Variants in OR2A14 observed in about 807,000 individuals in gnomAD.
The protein encoded by OR2A14 is olfactory receptor 2A14.
A neutral mutation model predicts 2.4 loss-of-function variants in OR2A14; 2 were observed. The ratio of observed to expected loss-of-function variants is 0.85; its 90% confidence interval spans 0.35 to 2.67. The LOEUF is 2.67. OR2A14 is among the 30% of genes most tolerant of loss of function. The probability of loss-of-function intolerance (pLI) is 0.10; values close to 1 mark genes in which losing one functional copy is unlikely to be tolerated. For missense variants in OR2A14, 390 were observed against 379.4 expected, an observed-to-expected ratio of 1.03 and a Z score of -0.23; for synonymous variants, 160 against 156.3, an observed-to-expected ratio of 1.02 and a Z score of -0.18.
rs1294990022 is a variant in OR2A14, at chr7:144,130,953, G to A, written c.*908G>A. The A allele has an allele frequency of 6.6e-6, 1 of 152,220 alleles. No homozygotes were observed. The highest frequency in any genetic ancestry group is 1.9e-4 in the East Asian group (1 of 5,204). The allele number at this position is 152,220 out of a possible 1,614,324, so 9.4% of individuals were successfully genotyped here. ...GGTGGCTGCTGGAATGGTGCCCAGG[G>A]ACAGTAGTTTGTGAACCCTTGTTCT... On this transcript the variant is annotated 3_prime_UTR_variant, in exon 2 of 2. Transcript: ENST00000641068.
intron 1 of OR2A14, among the ~76,000 whole-genome samples, chr7:144,123,897 A>G (rs2128806694): frequency 6.6e-6 from 1 of 152,150 alleles, no homozygotes; most frequent in Non-Finnish European, 1.5e-5. Flanking sequence ...AGCACAGAAC[A>G]TGTCTCCTTA....
chr7:144,130,072 G>A lies in OR2A14; in HGVS notation c.*27G>A. 1 of 1,578,480 alleles carries A rather than the reference G, an allele frequency of 6.3e-7. No homozygotes were observed. The highest frequency in any genetic ancestry group is 8.6e-7 in the Non-Finnish European group (1 of 1,158,812). ...ACATCTCAAAGGGAACCATGGGGAG[G>A]GAGCCTTGCTCCCTGCAAAATATAG... On this transcript the variant is annotated 3_prime_UTR_variant, in exon 2 of 2. Transcript: ENST00000641068.
chr7:144,130,140 C>T lies in OR2A14; in HGVS notation c.*95C>T. 2.1e-6 allele frequency: 2 copies of T among 953,014 alleles called. No homozygotes were observed. The highest frequency in any genetic ancestry group is 3.2e-6 in the Non-Finnish European group (2 of 628,490). The allele number at this position is 953,014 out of a possible 1,614,324, so 59.0% of individuals were successfully genotyped here. ...TTGTCTTCTGCTAGAATAAATGCTA[C>T]CTTAAACTGGAATACTATAGACCTA... On this transcript the variant is annotated 3_prime_UTR_variant, in exon 2 of 2. Transcript: ENST00000641068.
At position 144,127,100 on chromosome 7, in the gene OR2A14, T is replaced by A. The variant is rs369709451; in HGVS notation, c.-34-1979T>A. ...ATGTGAGGTGTGGAAGAGAAGCACA[T>A]CACCTTAATATTACTTCTTTATAAT... On this transcript the variant is annotated intron_variant, in intron 1 of 1. Transcript: ENST00000641068. Among the ~76,000 whole-genome samples the A allele has an allele frequency of 5.3e-4, 80 of 152,350 alleles. No individual in the cohort carries two copies. The South Asian group carries it at 0.015, about 28-fold the overall frequency.
intron 1 of OR2A14, among the ~76,000 whole-genome samples, chr7:144,123,512 C>T (rs1054874612): frequency 7.9e-5 from 12 of 152,168 alleles, no homozygotes; most frequent in Non-Finnish European, 1.5e-4. Context: ...CCTCATTACC[C>T]TGTGGCAGCT....
At chr7:144,124,277 A>G (rs2051466158) in intron 1 of OR2A14, among the ~76,000 whole-genome samples, 1 of 152,120 alleles carries the variant, frequency 6.6e-6, no homozygotes, top group Non-Finnish European at 1.5e-5. Flanking sequence ...AGCCTGACCA[A>G]CACGGAGAAA....
In OR2A14 at chr7:144,129,060, A is replaced by G. The variant is rs899776882; in HGVS notation, c.-34-19A>G. The G allele has an allele frequency of 8.2e-5, 115 of 1,400,990 alleles. No homozygotes were observed. The highest frequency in any genetic ancestry group is 1.0e-4 in the Non-Finnish European group (104 of 1,014,912). 86.8% of individuals were successfully genotyped at this position (1,400,990 alleles called of 1,614,324 possible). On this transcript the variant is annotated intron_variant, in intron 1 of 1. Transcript: ENST00000641068. Reference sequence around the variant, plus strand: ...TAATTTCTAAGTGCTCCCTCTGTGCATCTTTGACTGGCCCACAGCTCTGAC... The same window carrying G: ...TAATTTCTAAGTGCTCCCTCTGTGCGTCTTTGACTGGCCCACAGCTCTGAC...
rs1475207212 is a variant in OR2A14, at chr7:144,130,421, T to C, written c.*376T>C. ...AGAAATGGAACTATTGTTCATACAG[T>C]ACATAGAAAGAACTCCTTTAAATCA... On this transcript the variant is annotated 3_prime_UTR_variant, in exon 2 of 2. Transcript: ENST00000641068. 6.2e-6 allele frequency: 1 copy of C among 162,414 alleles called. No homozygotes were observed. Among genetic ancestry groups the C allele is most frequent in the African/African-American group, 2.4e-5 (1 of 41,614 alleles). 10.1% of individuals were successfully genotyped at this position (162,414 alleles called of 1,614,324 possible). A position where few individuals can be genotyped will look rare whatever the true frequency, so the allele number is the denominator to read the frequency against.
rs997177413 is a variant in OR2A14, at chr7:144,129,071, G to A, written c.-34-8G>A. On this transcript the variant is annotated splice_polypyrimidine_tract_variant and splice_region_variant and intron_variant, in intron 1 of 1. Coordinates refer to ENST00000641068, the MANE Select transcript of OR2A14 (RefSeq NM_001001659.3). ...TGCTCCCTCTGTGCATCTTTGACTG[G>A]CCCACAGCTCTGACCTTCCTGTCCT... 2 of 1,490,208 alleles carry A rather than the reference G, an allele frequency of 1.3e-6. No individual in the cohort carries two copies. The highest frequency in any genetic ancestry group is 1.4e-5 in the African/African-American group (1 of 72,168). The allele number at this position is 1,490,208 out of a possible 1,614,324, so 92.3% of individuals were successfully genotyped here. A position where few individuals can be genotyped will look rare whatever the true frequency, so the allele number is the denominator to read the frequency against.
Position 144,130,116 on chromosome 7 carries a change from T to C in OR2A14, c.*71T>C. On this transcript the variant is annotated 3_prime_UTR_variant, in exon 2 of 2. Coordinates refer to ENST00000641068, the MANE Select transcript of OR2A14 (RefSeq NM_001001659.3). ...AATATAGAAGTTGGCTTTTTTTTTT[T>C]GTCTTCTGCTAGAATAAATGCTACC... 1.0e-6 allele frequency: 1 copy of C among 958,320 alleles called. No homozygotes were observed. The highest frequency in any genetic ancestry group is 1.6e-6 in the Non-Finnish European group (1 of 640,260). The allele number at this position is 958,320 out of a possible 1,614,324, so 59.4% of individuals were successfully genotyped here.
chr7:144,130,179 A>C lies in OR2A14; in HGVS notation c.*134A>C. ...ACTATAGACCTATACATATAAACTG[A>C]AGACACAAATCTTTTAGAAAAGATA... On this transcript the variant is annotated 3_prime_UTR_variant, in exon 2 of 2. Coordinates refer to ENST00000641068, the MANE Select transcript of OR2A14 (RefSeq NM_001001659.3). 1 of 637,128 alleles carries C rather than the reference A, an allele frequency of 1.6e-6. No individual in the cohort carries two copies. The highest frequency in any genetic ancestry group is 2.6e-5 in the South Asian group (1 of 38,728). 39.5% of individuals were successfully genotyped at this position (637,128 alleles called of 1,614,324 possible).
intron 1 of OR2A14, among the ~76,000 whole-genome samples, chr7:144,127,385 A>G (rs1385403954): frequency 6.6e-6 from 1 of 152,252 alleles, no homozygotes; most frequent in Non-Finnish European, 1.5e-5. Flanking sequence ...TCTAGATGGA[A>G]GTTAAAATAG....
chr7:144,125,978 C>G (rs1398054896), intron 1 of OR2A14, among the ~76,000 whole-genome samples: 1 of 152,060 alleles, frequency 6.6e-6, no homozygotes, highest in Non-Finnish European at 1.5e-5. Flanking sequence ...GTGTACACCA[C>G]AGATGGGAGC....
chr7:144,124,498 G>A (rs2128806788), intron 1 of OR2A14, among the ~76,000 whole-genome samples: 1 of 149,458 alleles, frequency 6.7e-6, no homozygotes, highest in Non-Finnish European at 1.5e-5. Context: ...CTGCTCCCTA[G>A]GACTAAGCTC....
intron 1 of OR2A14, among the ~76,000 whole-genome samples, chr7:144,125,116 G>A (rs552818084): frequency 2.4e-4 from 36 of 152,242 alleles, no homozygotes; most frequent in Admixed American, 4.6e-4. Context: ...TTTGGTATCT[G>A]TGGTCAACAT....
In OR2A14 at chr7:144,131,154, A is replaced by G. The variant is rs1429036064; in HGVS notation, c.*1109A>G. ...CACTTTCTAAAATATGCCATGACTCAATAGCCAGTGGACTGTAAATATTCA... is the reference window on the plus strand; with the variant it reads ...CACTTTCTAAAATATGCCATGACTCGATAGCCAGTGGACTGTAAATATTCA... On this transcript the variant is annotated 3_prime_UTR_variant, in exon 2 of 2. Coordinates refer to ENST00000641068, the MANE Select transcript of OR2A14 (RefSeq NM_001001659.3). 3.9e-5 allele frequency: 6 copies of G among 152,208 alleles called. No individual in the cohort carries two copies. The highest frequency in any genetic ancestry group is 8.8e-5 in the Non-Finnish European group (6 of 68,054). The allele number at this position is 152,208 out of a possible 1,614,324, so 9.4% of individuals were successfully genotyped here.
At chr7:144,123,884 T>A (rs1300439023) in intron 1 of OR2A14, among the ~76,000 whole-genome samples, 1 of 152,102 alleles carries the variant, frequency 6.6e-6, no homozygotes, top group Non-Finnish European at 1.5e-5. Context: ...AGAGGAACCA[T>A]TGAGCACAGA....
At chr7:144,125,969 T>G (rs1389223955) in intron 1 of OR2A14, among the ~76,000 whole-genome samples, 1 of 152,140 alleles carries the variant, frequency 6.6e-6, no homozygotes, top group African/African-American at 2.4e-5. Context: ...AGCACAGATG[T>G]GTACACCACA....
intron 1 of OR2A14, among the ~76,000 whole-genome samples, chr7:144,128,056 G>A (rs1354424279): frequency 2.0e-5 from 3 of 152,176 alleles, no homozygotes; most frequent in Non-Finnish European, 4.4e-5. Context: ...CACAGGTGAT[G>A]GAGAAGAATA....
Sources: allele counts gnomAD v4.1 joint callset (sites outside exome capture counted in the v4.1 genomes callset), GRCh38; gene constraint gnomAD v4.1.1; transcripts MANE v1.5; gene names NCBI Gene and HGNC (gene_info 2026-07-23, HGNC 2026-07-21).